Variants in ADD2 observed in about 807,000 individuals in gnomAD.
The protein encoded by ADD2 is adducin 2.
A neutral mutation model predicts 83.0 loss-of-function variants in ADD2; 23 were observed. The ratio of observed to expected loss-of-function variants is 0.28; its 90% confidence interval spans 0.20 to 0.39. The LOEUF (loss-of-function observed/expected upper bound fraction) is 0.39, where lower values mean the gene tolerates loss of function less well. Ranked by LOEUF, ADD2 falls within the 10% of genes least tolerant of loss-of-function variation. The pLI is 1.00. For synonymous variants in ADD2, 375 were observed against 375.4 expected, an observed-to-expected ratio of 1.00 and a Z score of 0.01; for missense variants, 758 against 944.9, an observed-to-expected ratio of 0.80 and a Z score of 2.59.
chr2:70,749,237 T>TG (rs1674386757), intron 1 of ADD2, among the ~76,000 whole-genome samples: 1 of 152,088 alleles, frequency 6.6e-6, no homozygotes, highest in Non-Finnish European at 1.5e-5. Context: ...GAGAACAGCA[T>TG]GGGGGAAACC....
chr2:70,687,558 T>G (rs1270004943), intron 9 of ADD2, among the ~76,000 whole-genome samples: 2 of 151,996 alleles, frequency 1.3e-5, no homozygotes, highest in South Asian at 2.1e-4. Context: ...GACGTGACCA[T>G]GTCCCTGGCC....
chr2:70,689,909 T>C (rs1464979582), intron 8 of ADD2, among the ~76,000 whole-genome samples: 2 of 152,132 alleles, frequency 1.3e-5, no homozygotes, highest in African/African-American at 4.8e-5. Context: ...GGCACTCTCA[T>C]ATCCTAGACA....
chr2:70,709,001 T>C (rs1672042201), intron 2 of ADD2, among the ~76,000 whole-genome samples: 1 of 152,206 alleles, frequency 6.6e-6, no homozygotes, highest in African/African-American at 2.4e-5. Context: ...TCAGAGTCAC[T>C]CAGAAACCAT....
At chr2:70,731,658 A>G (rs1347836346) in intron 1 of ADD2, among the ~76,000 whole-genome samples, 1 of 152,070 alleles carries the variant, frequency 6.6e-6, no homozygotes, top group African/African-American at 2.4e-5. Flanking sequence ...TAATCCCCTC[A>G]TTTCCTCAAG....
In ADD2 at chr2:70,659,097, A is replaced by G. The variant is rs1020910480; in HGVS notation, c.*4328T>C. 1 of 143,302 alleles carries G rather than the reference A, an allele frequency of 7.0e-6. No individual in the cohort carries two copies. The highest frequency in any genetic ancestry group is 2.3e-4 in the East Asian group (1 of 4,366). The allele number at this position is 143,302 out of a possible 1,614,324, so 8.9% of individuals were successfully genotyped here. On this transcript the variant is annotated 3_prime_UTR_variant, in exon 16 of 16. Transcript: ENST00000264436. ...GAGGCAGAGGTTGCAGTGAGCTAAG[A>G]TTGCACCACTGCACTCCAGCCTGGG...
At chr2:70,702,657 A>C (rs1671654980) in intron 4 of ADD2, among the ~76,000 whole-genome samples, 1 of 151,126 alleles carries the variant, frequency 6.6e-6, no homozygotes, top group African/African-American at 2.4e-5. Flanking sequence ...TCTACAAGAC[A>C]AAAAAAATGC....
intron 1 of ADD2, among the ~76,000 whole-genome samples, chr2:70,762,784 C>A (rs1335732218): frequency 6.7e-6 from 1 of 150,254 alleles, no homozygotes; most frequent in African/African-American, 2.5e-5. Context: ...CGGCTCACTG[C>A]AACCTCCGCC....
In ADD2 at chr2:70,752,011, C is replaced by T. The variant is rs368942405; in HGVS notation, c.-154+15875G>A. 3.3e-5 allele frequency among the ~76,000 whole-genome samples: 5 copies of T among 152,298 alleles called. No individual in the cohort carries two copies. The South Asian group carries it at 6.2e-4, about 19-fold the overall frequency. On this transcript the variant is annotated intron_variant, in intron 1 of 15. Coordinates refer to ENST00000264436, the MANE Select transcript of ADD2 (RefSeq NM_001617.4). ...ACATCAAGACATTGTAATTATCAAA[C>T]ATAAACATTTTTAGTGCCTTAAATG...
chr2:70,692,391 G>A lies in ADD2; in HGVS notation c.705+12C>T. Reference sequence around the variant, plus strand: ...CGTCTTTCCTTGGGTGGCTGAGAAGGAGTCCACTCACCGCTGCTGTGGCCG... The same window carrying A: ...CGTCTTTCCTTGGGTGGCTGAGAAGAAGTCCACTCACCGCTGCTGTGGCCG... On this transcript the variant is annotated intron_variant, in intron 7 of 15. Coordinates refer to ENST00000264436, the MANE Select transcript of ADD2 (RefSeq NM_001617.4). 1 of 1,532,458 alleles carries A rather than the reference G, an allele frequency of 6.5e-7. No individual in the cohort carries two copies. Among genetic ancestry groups the A allele is most frequent in the Middle Eastern group, 1.8e-4 (1 of 5,712 alleles). The allele number at this position is 1,532,458 out of a possible 1,614,324, so 94.9% of individuals were successfully genotyped here.
intron 13 of ADD2, chr2:70,675,404 A>G (rs1553368049): frequency 1.0e-6 from 1 of 985,520 alleles, no homozygotes; most frequent in East Asian, 1.1e-4. Context: ...TCAGATCTTC[A>G]ACCTGCCTGT....
At chr2:70,759,481 C>T (rs1674970185) in intron 1 of ADD2, among the ~76,000 whole-genome samples, 1 of 151,974 alleles carries the variant, frequency 6.6e-6, no homozygotes, top group African/African-American at 2.4e-5. Context: ...CTCCAAAGCC[C>T]ATGTTGAAGG....
chr2:70,758,353 T>G (rs1674907362), intron 1 of ADD2, among the ~76,000 whole-genome samples: 1 of 152,152 alleles, frequency 6.6e-6, no homozygotes, highest in African/African-American at 2.4e-5. Flanking sequence ...TTTGCCTATT[T>G]TATTGGCTTT....
chr2:70,699,437 C>G (rs1671475394), intron 4 of ADD2, among the ~76,000 whole-genome samples: 1 of 152,168 alleles, frequency 6.6e-6, no homozygotes, highest in Non-Finnish European at 1.5e-5. Context: ...TCCCATTTCT[C>G]TGTTACAGCC....
chr2:70,674,888 G>C, intron 13 of ADD2, 63 bp from the exon 14 acceptor site: 1 of 1,558,608 alleles, frequency 6.4e-7, no homozygotes, highest in Non-Finnish European at 8.7e-7. Flanking sequence ...GCAGGCCCCA[G>C]CTTCCTTTTA....
At chr2:70,688,595 G>A (rs1670863826) in intron 8 of ADD2, among the ~76,000 whole-genome samples, 1 of 152,176 alleles carries the variant, frequency 6.6e-6, no homozygotes, top group African/African-American at 2.4e-5. Context: ...TGACTTAGTT[G>A]ACGTGGGAGT....
intron 14 of ADD2, 130 bp from the exon 15 acceptor site, chr2:70,673,136 G>T: frequency 6.5e-7 from 1 of 1,532,056 alleles, no homozygotes; most frequent in Non-Finnish European, 9.0e-7. Context: ...GAGACTTCTA[G>T]CTGAAGTTAG....
chr2:70,767,927 G>C lies in ADD2; in HGVS notation c.-195C>G. 6.5e-7 allele frequency: 1 copy of C among 1,535,994 alleles called. No homozygotes were observed. The highest frequency in any genetic ancestry group is 8.7e-7 in the Non-Finnish European group (1 of 1,146,828). On this transcript the variant is annotated 5_prime_UTR_variant, in exon 1 of 16. Coordinates refer to ENST00000264436, the MANE Select transcript of ADD2 (RefSeq NM_001617.4). ...TAGCTATCTCCGGTCGGCCACTGCG[G>C]GTTGGTTTTGTTATTTTATGGGTTT...
intron 1 of ADD2, among the ~76,000 whole-genome samples, chr2:70,753,718 T>C (rs1022483019): frequency 3.0e-4 from 45 of 152,116 alleles, no homozygotes; most frequent in African/African-American, 1.1e-3. Context: ...AGGAGTGAAT[T>C]CGTCATTCTG....
At chr2:70,704,282 T>TG in intron 4 of ADD2, 39 bp downstream of exon 4, 1 of 448,552 alleles carries the variant, frequency 2.2e-6, no homozygotes. Context: ...CACCCTCCCC[T>TG]CCACCTCTGC....
Sources: allele counts gnomAD v4.1 joint callset (sites outside exome capture counted in the v4.1 genomes callset), GRCh38; gene constraint gnomAD v4.1.1; transcripts MANE v1.5; gene names NCBI Gene and HGNC (gene_info 2026-07-23, HGNC 2026-07-21).